The following GLIS3 variants were observed in gnomAD, a reference collection of about 807,000 sequenced individuals.
GLIS3 encodes the protein GLIS family zinc finger 3, also known as zinc finger protein GLIS3.
GLIS3 carries 53 observed loss-of-function variants against 78.6 expected under a neutral mutation model. That is an observed-to-expected ratio of 0.67 (90% confidence interval 0.54 to 0.85). The LOEUF (loss-of-function observed/expected upper bound fraction) is 0.85. Ranked by LOEUF, GLIS3 falls within the 40% of genes least tolerant of loss-of-function variation. The pLI is 0.00. For missense variants in GLIS3, 1,703 were observed against 1,231.1 expected (o/e 1.38, Z -5.74); for synonymous variants, 684 against 509.9 (o/e 1.34, Z -4.60).
At chr9:3,909,750 T>C (rs1042923228) in intron 6 of GLIS3, among the ~76,000 whole-genome samples, 1 of 152,110 alleles carries the variant, frequency 6.6e-6, no homozygotes, top group Non-Finnish European at 1.5e-5. Context: ...AACATAGAAT[T>C]TCAGAGCAAA....
chr9:3,953,336 G>T (rs1370250917), intron 4 of GLIS3, among the ~76,000 whole-genome samples: 1 of 152,096 alleles, frequency 6.6e-6, no homozygotes, highest in African/African-American at 2.4e-5. Context: ...ATATACAGAA[G>T]GTCCCCTTTA....
chr9:3,950,404 G>A (rs1319093922), intron 4 of GLIS3, among the ~76,000 whole-genome samples: 1 of 152,172 alleles, frequency 6.6e-6, no homozygotes, highest in Non-Finnish European at 1.5e-5. Context: ...CCTCGCCATG[G>A]CTCATACATC....
At chr9:4,441,863 C>A in the GLIS3 span, among the ~76,000 whole-genome samples, 1 of 152,158 alleles carries the variant, frequency 6.6e-6, no homozygotes. Flanking sequence ...CCTCGGCCTC[C>A]CCAAGTGCTG....
At chr9:4,078,067 C>A in intron 4 of GLIS3, among the ~76,000 whole-genome samples, 1 of 152,100 alleles carries the variant, frequency 6.6e-6, no homozygotes, top group Middle Eastern at 3.2e-3. Flanking sequence ...CTTCATTGGA[C>A]CCTGAATGAT....
the GLIS3 span, among the ~76,000 whole-genome samples, chr9:4,428,013 T>A: frequency 6.6e-6 from 1 of 150,826 alleles, no homozygotes; most frequent in Non-Finnish European, 1.5e-5. Context: ...ATTTTCCACA[T>A]AACCAAGTTC....
intron 2 of GLIS3, among the ~76,000 whole-genome samples, chr9:4,146,399 A>T (rs547189115): frequency 6.6e-6 from 1 of 152,356 alleles, no homozygotes; most frequent in African/African-American, 2.4e-5. Context: ...ATAATTAACA[A>T]GGGTAAACAA....
At chr9:4,280,310 A>C (rs985291249) in intron 2 of GLIS3, among the ~76,000 whole-genome samples, 1 of 152,258 alleles carries the variant, frequency 6.6e-6, no homozygotes, top group Non-Finnish European at 1.5e-5. Context: ...GGTGTGAGCC[A>C]CATGCCAGCC....
the GLIS3 span, among the ~76,000 whole-genome samples, chr9:4,452,224 T>G: frequency 6.6e-6 from 1 of 152,272 alleles, no homozygotes; most frequent in East Asian, 1.9e-4. Context: ...TCATACTGAA[T>G]GGGCAAAAAC....
intron 4 of GLIS3, among the ~76,000 whole-genome samples, chr9:4,019,109 G>T (rs1822664871): frequency 6.6e-6 from 1 of 152,192 alleles, no homozygotes; most frequent in African/African-American, 2.4e-5. Context: ...TTTGATGCGG[G>T]ATGAAGGATG....
chr9:3,944,119 C>A (rs1325388086), intron 4 of GLIS3, among the ~76,000 whole-genome samples: 1 of 152,060 alleles, frequency 6.6e-6, no homozygotes, highest in Non-Finnish European at 1.5e-5. Flanking sequence ...CATGAGGAAG[C>A]AGCTGATTCT....
chr9:4,034,314 T>A (rs1431273298), intron 4 of GLIS3, among the ~76,000 whole-genome samples: 10 of 152,186 alleles, frequency 6.6e-5, no homozygotes, highest in Non-Finnish European at 1.3e-4. Context: ...AAAAAAAGTC[T>A]GTTTCTATAA....
intron 4 of GLIS3, among the ~76,000 whole-genome samples, chr9:3,987,716 A>G (rs557354841): frequency 1.4e-5 from 2 of 147,994 alleles, no homozygotes; most frequent in Non-Finnish European, 1.5e-5. Context: ...AAAGAAAAAG[A>G]AAAGAAAAGA....
intron 2 of GLIS3, among the ~76,000 whole-genome samples, chr9:4,260,492 G>A (rs964171521): frequency 2.0e-5 from 3 of 151,984 alleles, no homozygotes; most frequent in Admixed American, 6.6e-5. Flanking sequence ...GCTTGAACTC[G>A]GGGGGCAGAG....
At chr9:4,417,334 G>A in the GLIS3 span, among the ~76,000 whole-genome samples, 11 of 152,216 alleles carry the variant, frequency 7.2e-5, no homozygotes, top group East Asian at 3.9e-4. Flanking sequence ...AATTTTGTTC[G>A]TATCAAACCA....
intron 4 of GLIS3, among the ~76,000 whole-genome samples, chr9:3,995,721 G>A (rs1044692578): frequency 2.6e-5 from 4 of 152,026 alleles, no homozygotes; most frequent in African/African-American, 4.8e-5. Context: ...GAGACTTAGC[G>A]ACTTTGAAAA....
At chr9:3,876,693 G>GGGAGGGAGGGA (rs143762391) in intron 8 of GLIS3, among the ~76,000 whole-genome samples, 3 of 464 alleles carry the variant, frequency 6.5e-3, no homozygotes, top group East Asian at 0.036. Flanking sequence ...AAGGGAGGGA[G>GGGAGGGAGGGA]GGGAGGGAGG....
intron 4 of GLIS3, chr9:4,306,132 T>G (rs1817221868): frequency 6.6e-6 from 1 of 152,226 alleles, no homozygotes; most frequent in African/African-American, 2.4e-5. Flanking sequence ...CAAACTGTAA[T>G]GCAGTGGTGT....
intron 2 of GLIS3, among the ~76,000 whole-genome samples, chr9:4,129,681 A>G (rs1220743135): frequency 6.6e-6 from 1 of 152,162 alleles, no homozygotes; most frequent in Non-Finnish European, 1.5e-5. Flanking sequence ...ACCATGAGCC[A>G]ATTAAATCAC....
intron 2 of GLIS3, among the ~76,000 whole-genome samples, chr9:4,207,743 C>G (rs1820008176): frequency 6.6e-6 from 1 of 152,142 alleles, no homozygotes; most frequent in African/African-American, 2.4e-5. Flanking sequence ...TCATGAGTAG[C>G]AGATGGGGAA....
Sources: allele counts gnomAD v4.1 joint callset (sites outside exome capture counted in the v4.1 genomes callset), GRCh38; gene constraint gnomAD v4.1.1; transcripts MANE v1.5; gene names NCBI Gene and HGNC (gene_info 2026-07-23, HGNC 2026-07-21).